Variants in UNC5D observed in about 807,000 individuals in gnomAD.
UNC5D encodes the protein unc-5 netrin receptor D, also known as netrin receptor UNC5D.
A neutral mutation model predicts 105.4 loss-of-function variants in UNC5D; 39 were observed. The ratio of observed to expected loss-of-function variants is 0.37; its 90% CI spans 0.29 to 0.48. The LOEUF (loss-of-function observed/expected upper bound fraction) is 0.48. UNC5D is among the 20% of genes least tolerant of loss of function. The pLI, the probability that UNC5D is intolerant of heterozygous loss-of-function variation, is 0.98. For missense variants in UNC5D, 991 were observed against 1,202.4 expected, an observed-to-expected ratio of 0.82 and a Z score of 2.60; for synonymous variants, 452 against 450.4, an observed-to-expected ratio of 1.00 and a Z score of -0.04.
At chr8:35,267,839 C>T (rs1402901107) in intron 1 of UNC5D, among the ~76,000 whole-genome samples, 2 of 151,412 alleles carry the variant, frequency 1.3e-5, no homozygotes, top group Non-Finnish European at 2.9e-5. Flanking sequence ...ATTTTTTTTT[C>T]AGAAAGGAAA....
chr8:35,697,185 C>T (rs1009247675), intron 7 of UNC5D, among the ~76,000 whole-genome samples: 2 of 151,716 alleles, frequency 1.3e-5, no homozygotes, highest in African/African-American at 2.4e-5. Flanking sequence ...AAAATAGATA[C>T]ACATATATAT....
chr8:35,603,660 A>G (rs1483649006), intron 4 of UNC5D, among the ~76,000 whole-genome samples: 1 of 152,112 alleles, frequency 6.6e-6, no homozygotes, highest in South Asian at 2.1e-4. Context: ...GTCTCCCATT[A>G]TTATTGTGTG....
At chr8:35,440,428 G>T (rs1199205674) in intron 1 of UNC5D, among the ~76,000 whole-genome samples, 1 of 151,904 alleles carries the variant, frequency 6.6e-6, no homozygotes, top group Non-Finnish European at 1.5e-5. Context: ...ATTAAAACAT[G>T]AATTTTAAGC....
chr8:35,362,720 A>G (rs1801919124), intron 1 of UNC5D, among the ~76,000 whole-genome samples: 1 of 152,204 alleles, frequency 6.6e-6, no homozygotes, highest in Non-Finnish European at 1.5e-5. Flanking sequence ...ACATGATATA[A>G]TACTCTTTTC....
intron 3 of UNC5D, among the ~76,000 whole-genome samples, chr8:35,569,596 G>A (rs1445009409): frequency 6.6e-6 from 1 of 152,176 alleles, no homozygotes; most frequent in Non-Finnish European, 1.5e-5. Flanking sequence ...TCACAAGCCA[G>A]GCTCTTGGTG....
chr8:35,752,051 C>T (rs1301449350), intron 13 of UNC5D, among the ~76,000 whole-genome samples: 1 of 152,158 alleles, frequency 6.6e-6, no homozygotes, highest in African/African-American at 2.4e-5. Flanking sequence ...ATAAATCATA[C>T]CTATCACAAG....
At chr8:35,433,084 T>C (rs1023129921) in intron 1 of UNC5D, among the ~76,000 whole-genome samples, 9 of 152,222 alleles carry the variant, frequency 5.9e-5, no homozygotes, top group African/African-American at 2.2e-4. Flanking sequence ...AACTGATTTC[T>C]GATGTTCGAT....
intron 4 of UNC5D, among the ~76,000 whole-genome samples, chr8:35,600,124 A>G (rs946479427): frequency 6.6e-6 from 1 of 152,168 alleles, no homozygotes; most frequent in Non-Finnish European, 1.5e-5. Context: ...CCTACAAAGG[A>G]CATGAACTCA....
At chr8:35,555,180 A>T (rs1816450841) in intron 2 of UNC5D, among the ~76,000 whole-genome samples, 1 of 152,080 alleles carries the variant, frequency 6.6e-6, no homozygotes, top group Non-Finnish European at 1.5e-5. Flanking sequence ...TGGGTTTCAA[A>T]CTCACTTTTA....
intron 1 of UNC5D, among the ~76,000 whole-genome samples, chr8:35,287,717 G>A (rs533474855): frequency 6.6e-6 from 1 of 152,174 alleles, no homozygotes; most frequent in South Asian, 2.1e-4. Flanking sequence ...TGAGGTTGGA[G>A]GATTGCTTGA....
chr8:35,500,456 C>A (rs538873182), intron 1 of UNC5D, among the ~76,000 whole-genome samples: 1 of 152,300 alleles, frequency 6.6e-6, no homozygotes, highest in South Asian at 2.1e-4. Flanking sequence ...TTTATTGACT[C>A]TATTAGGCTT....
intron 15 of UNC5D, 109 bp from the exon 16 acceptor site, chr8:35,774,190 G>T: frequency 5.7e-6 from 7 of 1,231,700 alleles, no homozygotes; most frequent in South Asian, 2.9e-5. Context: ...ATCACAACAG[G>T]CAAGCATTTT....
intron 2 of UNC5D, among the ~76,000 whole-genome samples, chr8:35,562,597 T>G (rs1004342429): frequency 6.6e-6 from 1 of 152,138 alleles, no homozygotes; most frequent in African/African-American, 2.4e-5. Context: ...TTTTAAAATA[T>G]ATATTTTTGG....
chr8:35,508,503 C>G (rs182356593), intron 1 of UNC5D, among the ~76,000 whole-genome samples: 2 of 152,182 alleles, frequency 1.3e-5, no homozygotes, highest in African/African-American at 4.8e-5. Context: ...AAGCTACCGC[C>G]TTTGAATCTT....
At chr8:35,419,386 C>T (rs547258363) in intron 1 of UNC5D, among the ~76,000 whole-genome samples, 8 of 152,300 alleles carry the variant, frequency 5.3e-5, no homozygotes, top group South Asian at 2.1e-4. Context: ...GCCCAGATTC[C>T]GTGCCTGCTG....
At chr8:35,392,870 G>A (rs1004269072) in intron 1 of UNC5D, among the ~76,000 whole-genome samples, 19 of 152,168 alleles carry the variant, frequency 1.2e-4, no homozygotes, top group African/African-American at 4.3e-4. Flanking sequence ...TAATTCTTTG[G>A]TATTTATTAC....
intron 1 of UNC5D, among the ~76,000 whole-genome samples, chr8:35,372,427 GT>G (rs1330974003): frequency 6.6e-6 from 1 of 151,614 alleles, no homozygotes; most frequent in African/African-American, 2.4e-5. Context: ...CCCAGATCTA[GT>G]TTTTGACTCT....
intron 1 of UNC5D, among the ~76,000 whole-genome samples, chr8:35,397,827 T>C (rs554006532): frequency 2.2e-4 from 34 of 152,254 alleles, no homozygotes; most frequent in South Asian, 1.7e-3. Context: ...GCCTGAGACT[T>C]TTTCTTGATT....
chr8:35,696,485 C>T (rs1231492290), intron 7 of UNC5D, among the ~76,000 whole-genome samples: 1 of 151,892 alleles, frequency 6.6e-6, no homozygotes, highest in African/African-American at 2.4e-5. Flanking sequence ...AAATATTAGT[C>T]TGGACTAGAG....
Sources: allele counts gnomAD v4.1 joint callset (sites outside exome capture counted in the v4.1 genomes callset), GRCh38; gene constraint gnomAD v4.1.1; transcripts MANE v1.5; gene names NCBI Gene and HGNC (gene_info 2026-07-23, HGNC 2026-07-21).